Variants in PAK1 observed in about 807,000 individuals in gnomAD.
The protein encoded by PAK1 is serine/threonine-protein kinase PAK 1.
In PAK1, 29 loss-of-function variants were observed where a neutral mutation model predicts 67.4. The observed-to-expected ratio is 0.43, with a 90% CI of 0.32 to 0.59. PAK1 has a LOEUF of 0.59. Ranked by LOEUF, PAK1 falls within the 20% of genes least tolerant of loss-of-function variation. The probability of loss-of-function intolerance (pLI) is 0.07; values close to 1 mark genes in which losing one functional copy is unlikely to be tolerated. For missense variants in PAK1, 337 were observed against 670.7 expected, an observed-to-expected ratio of 0.50 and a Z score of 5.50; for synonymous variants, 223 against 237.4, an observed-to-expected ratio of 0.94 and a Z score of 0.56.
intron 10 of PAK1, 21 bp from the exon 11 acceptor site, chr11:77,340,784 G>A (rs1943479003): frequency 7.9e-7 from 1 of 1,261,276 alleles, no homozygotes; most frequent in Non-Finnish European, 1.2e-6. Context: ...ACAGATAAAG[G>A]GTGAGAGAGA....
the PAK1 span, among the ~76,000 whole-genome samples, chr11:77,480,521 GT>G: frequency 7.6e-3 from 923 of 121,284 alleles, 4 homozygotes; most frequent in Middle Eastern, 0.021. Flanking sequence ...AACCACCATG[GT>G]TTTTTTTTTT....
chr11:77,433,640 G>T (rs1038669914), intron 1 of PAK1, among the ~76,000 whole-genome samples: 2 of 152,252 alleles, frequency 1.3e-5, no homozygotes, highest in East Asian at 3.9e-4. Context: ...TTAGCTGGGC[G>T]TGGTGGCACG....
At chr11:77,415,784 A>G (rs1288083815) in intron 1 of PAK1, among the ~76,000 whole-genome samples, 2 of 152,084 alleles carry the variant, frequency 1.3e-5, no homozygotes, top group South Asian at 2.1e-4. Context: ...ACGCTGCACT[A>G]AACTTAAATT....
chr11:77,433,019 G>C (rs1955934328), intron 1 of PAK1, among the ~76,000 whole-genome samples: 1 of 152,170 alleles, frequency 6.6e-6, no homozygotes, highest in South Asian at 2.1e-4. Flanking sequence ...AAATGGAACT[G>C]AGAGTCAAGA....
chr11:77,383,841 T>C (rs530834991), intron 2 of PAK1, among the ~76,000 whole-genome samples: 1 of 152,280 alleles, frequency 6.6e-6, no homozygotes, highest in South Asian at 2.1e-4. Flanking sequence ...CACTGGCTCA[T>C]CACCACAAAC....
intron 1 of PAK1, among the ~76,000 whole-genome samples, chr11:77,398,990 C>CA (rs1952219789): frequency 6.6e-6 from 1 of 152,098 alleles, no homozygotes. Context: ...CTTATTCCTC[C>CA]AATCAAAAAA....
the PAK1 span, among the ~76,000 whole-genome samples, chr11:77,490,699 G>A: frequency 6.6e-6 from 1 of 152,262 alleles, no homozygotes; most frequent in Non-Finnish European, 1.5e-5. Flanking sequence ...GGGGAAAGGT[G>A]GGGAAAAGAT....
At chr11:77,463,363 T>C (rs1437713637) in intron 1 of PAK1, among the ~76,000 whole-genome samples, 1 of 152,120 alleles carries the variant, frequency 6.6e-6, no homozygotes, top group African/African-American at 2.4e-5. Context: ...GCCAATGTTT[T>C]ATTTAAAAAA....
chr11:77,405,909 C>G (rs1203904237), intron 1 of PAK1, among the ~76,000 whole-genome samples: 1 of 152,186 alleles, frequency 6.6e-6, no homozygotes, highest in Non-Finnish European at 1.5e-5. Context: ...AAATCAAATC[C>G]TTATTTTTCT....
At chr11:77,523,885 A>G in the PAK1 span, among the ~76,000 whole-genome samples, 1 of 152,198 alleles carries the variant, frequency 6.6e-6, no homozygotes, top group African/African-American at 2.4e-5. Context: ...GGACCAGATC[A>G]CGGCCTTGTG....
chr11:77,466,557 C>T (rs1232939637), intron 1 of PAK1, among the ~76,000 whole-genome samples: 3 of 151,546 alleles, frequency 2.0e-5, no homozygotes, highest in Non-Finnish European at 2.9e-5. Context: ...GAGCCGACAT[C>T]GCATCACTGC....
the PAK1 span, among the ~76,000 whole-genome samples, chr11:77,493,474 T>A: frequency 7.4e-6 from 1 of 135,298 alleles, no homozygotes; most frequent in Non-Finnish European, 1.5e-5. Flanking sequence ...TTTTTTTTTT[T>A]AGTAGAGACG....
chr11:77,383,321 A>AC, intron 2 of PAK1, among the ~76,000 whole-genome samples: 1 of 135,652 alleles, frequency 7.4e-6, no homozygotes, highest in East Asian at 2.1e-4. Flanking sequence ...GTACTGTGTA[A>AC]TTTTTTTTTT....
At chr11:77,341,196 C>T (rs1051685350) in intron 10 of PAK1, among the ~76,000 whole-genome samples, 2 of 152,134 alleles carry the variant, frequency 1.3e-5, no homozygotes, top group East Asian at 3.9e-4. Context: ...GAGAGTCCTA[C>T]CAGATCTGAG....
the PAK1 span, among the ~76,000 whole-genome samples, chr11:77,517,562 G>A: frequency 1.3e-5 from 2 of 152,194 alleles, no homozygotes. Context: ...TGGCACCAGG[G>A]ACCGGTTTCA....
At chr11:77,420,360 T>A (rs1955193887) in intron 1 of PAK1, among the ~76,000 whole-genome samples, 1 of 152,224 alleles carries the variant, frequency 6.6e-6, no homozygotes, top group African/African-American at 2.4e-5. Flanking sequence ...TCACTATGGA[T>A]GCAAAGATGA....
the PAK1 span, among the ~76,000 whole-genome samples, chr11:77,503,644 C>T: frequency 3.2e-4 from 48 of 152,284 alleles, no homozygotes; most frequent in African/African-American, 1.1e-3. Flanking sequence ...GGGAGGATTG[C>T]TTAAGCCCTG....
the PAK1 span, among the ~76,000 whole-genome samples, chr11:77,493,663 C>T: frequency 6.6e-6 from 1 of 151,716 alleles, no homozygotes; most frequent in South Asian, 2.1e-4. Context: ...AAGGACTCAC[C>T]ACCCACAAAC....
At chr11:77,460,867 G>A (rs540964078) in intron 1 of PAK1, among the ~76,000 whole-genome samples, 1 of 152,222 alleles carries the variant, frequency 6.6e-6, no homozygotes, top group South Asian at 2.1e-4. Context: ...TGGAGGGTGG[G>A]GGCAGAGAGG....
Sources: allele counts gnomAD v4.1 joint callset (sites outside exome capture counted in the v4.1 genomes callset), GRCh38; gene constraint gnomAD v4.1.1; transcripts MANE v1.5; gene names NCBI Gene and HGNC (gene_info 2026-07-23, HGNC 2026-07-21).